Variants in KEAP1 observed in about 807,000 individuals in gnomAD.
The protein encoded by KEAP1 is kelch like ECH associated protein 1.
A neutral mutation model predicts 59.7 loss-of-function variants in KEAP1; 26 were observed. The ratio of observed to expected loss-of-function variants is 0.44; its 90% CI spans 0.32 to 0.60. The LOEUF is 0.60. Among genes scored for constraint, KEAP1 ranks in the 20% least tolerant of loss-of-function variants. KEAP1 has a pLI of 0.06. For synonymous variants in KEAP1, 350 were observed against 358.3 expected (o/e 0.98, Z 0.26); for missense variants, 539 against 871.4 (o/e 0.62, Z 4.80).
Position 10,489,214 on chromosome 19 carries a change from G to A in KEAP1, c.1686C>T (p.His562=), listed in dbSNP as rs1568396842. Residue 562 remains histidine (H), a synonymous_variant, in exon 5 of 6, where the codon CAC becomes CAT. Coordinates refer to ENST00000171111, the MANE Select transcript of KEAP1 (RefSeq NM_203500.2). ...HRRSALGITV[H]QGRIYVLGGY... is the part of the protein sequence containing the mutation. ...CACCAAGGACGTAGATTCTCCCCTG[G>A]TGGACAGTGATCCCCAGGGCACTTC... The A allele has an allele frequency of 3.1e-6, 5 of 1,612,262 alleles. No individual in the cohort carries two copies. Among genetic ancestry groups the A allele is most frequent in the Non-Finnish European group, 4.2e-6 (5 of 1,179,964 alleles).
intron 5 of KEAP1, among the ~76,000 whole-genome samples, chr19:10,487,984 C>A (rs188675265): frequency 6.6e-6 from 1 of 151,808 alleles, no homozygotes; most frequent in Non-Finnish European, 1.5e-5. Flanking sequence ...CAAAATTAGC[C>A]GGGCGTGGTG....
At chr19:10,488,164 G>A (rs918462948) in intron 5 of KEAP1, among the ~76,000 whole-genome samples, 5 of 151,972 alleles carry the variant, frequency 3.3e-5, no homozygotes, top group Admixed American at 1.3e-4. Flanking sequence ...GCACGTGCCT[G>A]TATTCCCAGC....
rs2144596610 is a variant in KEAP1, at chr19:10,491,625, T to C, written c.1277A>G (p.Tyr426Cys). ...GCAGCCGTGGGAGCCGCCGACGGCA[T>C]AGATGTGGCCATCGATGACCCCCAC... ...IGVGVIDGHI[Y>C]AVGGSHGCIH... Residue 426 changes from tyrosine (Y) to cysteine (C), a missense_variant, in exon 3 of 6, where the codon TAT becomes TGT. By Grantham distance (194) the Tyr-to-Cys change is radical. Coordinates refer to ENST00000171111, the MANE Select transcript of KEAP1 (RefSeq NM_203500.2). This position sits in a 1 kb window ranked among gnomAD's most constrained non-coding sequence, Gnocchi z 5.2. 6.3e-7 allele frequency: 1 copy of C among 1,592,698 alleles called. No homozygotes were observed. The highest frequency in any genetic ancestry group is 8.5e-7 in the Non-Finnish European group (1 of 1,170,344).
chr19:10,495,709 A>G (rs570558065), intron 2 of KEAP1, among the ~76,000 whole-genome samples: 9 of 152,052 alleles, frequency 5.9e-5, no homozygotes, highest in Non-Finnish European at 1.2e-4. Flanking sequence ...AAAAAAAAAA[A>G]AAGTGGAAGC....
At chr19:10,492,316 C>G (rs1331981584) in intron 2 of KEAP1, 54 bp from the exon 3 acceptor site, 2 of 1,358,614 alleles carry the variant, frequency 1.5e-6, no homozygotes, top group African/African-American at 2.9e-5. Context: ...CCACACCTCA[C>G]CAAGCAGGAC....
chr19:10,499,370 C>T lies in KEAP1; in HGVS notation c.639+25G>A, dbSNP rs765988439. 29 of 1,538,726 alleles carry T rather than the reference C, an allele frequency of 1.9e-5. No individual in the cohort carries two copies. The highest frequency in any genetic ancestry group is 2.5e-5 in the Non-Finnish European group (28 of 1,142,586). The stretch of plus-strand genomic sequence containing the variant: ...ATCCCTGGTCCTTCTCCTGACACTG[C>T]CCCCAGCCCCACTTCCCCGCTCACC... On this transcript the variant is annotated intron_variant, in intron 2 of 5. Transcript: ENST00000171111. This position sits in a 1 kb window ranked among gnomAD's most constrained non-coding sequence, Gnocchi z 6.7.
At position 10,492,077 on chromosome 19, in the gene KEAP1, C is replaced by G. The variant is rs1220629459; in HGVS notation, c.825G>C (p.Ser275=). Residue 275 remains serine (S), a synonymous_variant, in exon 3 of 6, where the codon TCG becomes TCC. Transcript: ENST00000171111. ...GCATCTGCAGGAAGTTCGGCGTCAA[C>G]GAGTGGCAGCGCACGGCCCGCAGCA... is the stretch of plus-strand genomic sequence containing the variant. The part of the protein sequence containing the change: ...QALLRAVRCH[S]LTPNFLQMQL... 3 of 1,613,962 alleles carry G rather than the reference C, an allele frequency of 1.9e-6. No individual in the cohort carries two copies.
At chr19:10,488,109 C>T (rs532847713) in intron 5 of KEAP1, among the ~76,000 whole-genome samples, 15 of 150,838 alleles carry the variant, frequency 9.9e-5, no homozygotes, top group East Asian at 6.0e-4. Context: ...GCATGGGCAA[C>T]GAAAGTGAAA....
At chr19:10,490,629 C>T (rs1914638666) in intron 3 of KEAP1, 1 of 152,168 alleles carries the variant, frequency 6.6e-6, no homozygotes, top group Non-Finnish European at 1.5e-5. Context: ...GCTATCAACT[C>T]TTGGGCTCAA....
intron 2 of KEAP1, among the ~76,000 whole-genome samples, chr19:10,498,199 CTTTTT>C (rs35066564): frequency 1.9e-5 from 2 of 106,148 alleles, no homozygotes; most frequent in Admixed American, 2.4e-4. Flanking sequence ...CGCGCCCAGG[CTTTTT>C]TTTTTTTTTT....
chr19:10,500,217 T>A, intron 1 of KEAP1, 137 bp from the exon 2 acceptor site: 1 of 645,184 alleles, frequency 1.5e-6, no homozygotes, highest in Non-Finnish European at 2.6e-6. Flanking sequence ...ATTTGCAAAC[T>A]TGCAAACTTC....
At chr19:10,493,408 C>T (rs1292846657) in intron 2 of KEAP1, among the ~76,000 whole-genome samples, 2 of 151,902 alleles carry the variant, frequency 1.3e-5, no homozygotes, top group Non-Finnish European at 2.9e-5. Flanking sequence ...GTGATCCACC[C>T]GCCTTAGCCT....
At chr19:10,501,975 C>T (rs571123247) in intron 1 of KEAP1, among the ~76,000 whole-genome samples, 287 of 152,296 alleles carry the variant, frequency 1.9e-3, no homozygotes, top group Non-Finnish European at 3.5e-3. Flanking sequence ...GTCATCACTG[C>T]GCTTGTCAGG....
intron 2 of KEAP1, among the ~76,000 whole-genome samples, chr19:10,496,826 G>A (rs1868961957): frequency 6.6e-6 from 1 of 150,806 alleles, no homozygotes; most frequent in Non-Finnish European, 1.5e-5. Context: ...ACTGGGCGGT[G>A]GGGGGCGGGC....
At position 10,491,820 on chromosome 19, in the gene KEAP1, G is replaced by A. The variant is rs750532889; in HGVS notation, c.1082C>T (p.Pro361Leu). 6.2e-7 allele frequency: 1 copy of A among 1,602,112 alleles called. No homozygotes were observed. The highest frequency in any genetic ancestry group is 1.3e-5 in the African/African-American group (1 of 74,778). ...TWLRLADLQV[P>L]RSGLAGCVVG... is the part of the protein sequence containing the mutation. ...CACGCAGCCGGCCAGGCCGCTCCGCGGCACCTGCAGGTCCGCCAACCGGAG... is the reference window on the plus strand; with the variant it reads ...CACGCAGCCGGCCAGGCCGCTCCGCAGCACCTGCAGGTCCGCCAACCGGAG... Residue 361 changes from proline to leucine, a missense_variant, in exon 3 of 6, where the codon CCG becomes CTG. By Grantham distance (98) the Pro-to-Leu change is moderately conservative. This residue lies in a region of KEAP1 where 311 missense variants were observed against 425.2 expected (regional missense o/e 0.73). Coordinates refer to ENST00000171111, the MANE Select transcript of KEAP1 (RefSeq NM_203500.2). This position sits in a 1 kb window ranked among gnomAD's most constrained non-coding sequence, Gnocchi z 5.2.
chr19:10,500,766 G>A (rs1054066258), intron 1 of KEAP1, among the ~76,000 whole-genome samples: 9 of 143,276 alleles, frequency 6.3e-5, no homozygotes, highest in East Asian at 2.2e-4. Context: ...TGCAACCTCC[G>A]CCTCCCGGGT....
rs753165903 is a variant in KEAP1, at chr19:10,491,534, G to C, written c.1325+43C>G. ...GATCTCAGTGTCTTGGGACTTGCCA[G>C]GAGCAGGACCCTCCGAGCCCACCCC... On this transcript the variant is annotated intron_variant, in intron 3 of 5. Coordinates refer to ENST00000171111, the MANE Select transcript of KEAP1 (RefSeq NM_203500.2). This position sits in a 1 kb window ranked among gnomAD's most constrained non-coding sequence, Gnocchi z 5.2. The C allele has an allele frequency of 4.1e-6, 6 of 1,450,270 alleles. No individual in the cohort carries two copies. The South Asian group carries it at 8.8e-5, about 21-fold the overall frequency. The allele number at this position is 1,450,270 out of a possible 1,614,324, so 89.8% of individuals were successfully genotyped here. A position where few individuals can be genotyped will look rare whatever the true frequency, so the allele number is the denominator to read the frequency against.
At position 10,496,088 on chromosome 19, in the gene KEAP1, C is replaced by A. The variant is rs934229535; in HGVS notation, c.639+3307G>T. On this transcript the variant is annotated intron_variant, in intron 2 of 5. Transcript: ENST00000171111. ...CCTGTAGTCTCAGCTACTCAGGAGA[C>A]TGAGGTGGGAGGATCACTTGAGCCC... Among the ~76,000 whole-genome samples, 4 of 151,284 alleles carry A rather than the reference C, an allele frequency of 2.6e-5. No homozygotes were observed. In the Admixed American group the frequency reaches 2.6e-4, roughly 10 times the overall value.
At chr19:10,498,703 T>A (rs936156060) in intron 2 of KEAP1, among the ~76,000 whole-genome samples, 10 of 152,128 alleles carry the variant, frequency 6.6e-5, no homozygotes, top group Non-Finnish European at 1.5e-4. Context: ...TTGGCTGCTG[T>A]TCACTGCACT....
Sources: gnomAD v4.1 joint callset for allele counts (sites outside exome capture counted in the v4.1 genomes callset) on GRCh38, gnomAD v4.1.1 for gene constraint, gnomAD v4.1.1 regional missense constraint, Gnocchi (gnomAD v3.1) non-coding constraint, MANE v1.5 for transcripts, NCBI Gene and HGNC (gene_info 2026-07-23, HGNC 2026-07-21) for gene names.